AKAP13: variants seen among roughly 807,000 people sequenced by gnomAD.
AKAP13 encodes A-kinase anchor protein 13.
AKAP13 carries 80 observed loss-of-function variants against 264.5 expected under a neutral mutation model. The ratio of observed to expected loss-of-function variants is 0.30; its 90% CI spans 0.25 to 0.36. The LOEUF (loss-of-function observed/expected upper bound fraction) is 0.36. Ranked by LOEUF, AKAP13 falls within the 10% of genes least tolerant of loss-of-function variation. The probability of loss-of-function intolerance (pLI) is 1.00; values close to 1 mark genes in which losing one functional copy is unlikely to be tolerated. For synonymous variants in AKAP13, 1,380 were observed against 1,250.2 expected, an observed-to-expected ratio of 1.10 and a Z score of -2.19; for missense variants, 3,712 against 3,435.2, an observed-to-expected ratio of 1.08 and a Z score of -2.01.
At position 85,579,066 on chromosome 15, in the gene AKAP13, C is replaced by T; in HGVS notation, c.998C>T (p.Ser333Phe). ...ACGGACCCTCAGCGACTTTCTTCTT[C>T]TGAAGAGACTGAGAGCACTCAGTGC... Reference protein sequence around the residue: ...EPTDPQRLSSSEETESTQCCP... With the variant: ...EPTDPQRLSSFEETESTQCCP... Residue 333 changes from serine to phenylalanine, a missense_variant, in exon 7 of 37, where the codon TCT becomes TTT. Transcript: ENST00000394518. 6.2e-7 allele frequency: 1 copy of T among 1,614,168 alleles called. No individual in the cohort carries two copies. Among genetic ancestry groups the T allele is most frequent in the South Asian group, 1.1e-5 (1 of 91,086 alleles).
At chr15:85,720,481 G>A (rs1199239268) in intron 23 of AKAP13, among the ~76,000 whole-genome samples, 1 of 152,116 alleles carries the variant, frequency 6.6e-6, no homozygotes, top group Non-Finnish European at 1.5e-5. Flanking sequence ...AAATTACTTT[G>A]GTACTTGTAG....
intron 1 of AKAP13, among the ~76,000 whole-genome samples, chr15:85,400,211 C>T (rs2071354982): frequency 6.6e-6 from 1 of 152,060 alleles, no homozygotes; most frequent in South Asian, 2.1e-4. Context: ...AGTTCAGGAC[C>T]AGCCTGGGCA....
intron 16 of AKAP13, among the ~76,000 whole-genome samples, chr15:85,689,260 T>TA (rs1417090460): frequency 6.6e-6 from 1 of 152,206 alleles, no homozygotes; most frequent in African/African-American, 2.4e-5. Flanking sequence ...GCTGTACCCA[T>TA]AGGCCTTTCA....
intron 2 of AKAP13, among the ~76,000 whole-genome samples, chr15:85,494,427 A>G (rs2075816594): frequency 6.6e-6 from 1 of 152,134 alleles, no homozygotes; most frequent in Non-Finnish European, 1.5e-5. Context: ...GGTACAAGGA[A>G]ATAATAGCTG....
intron 2 of AKAP13, among the ~76,000 whole-genome samples, chr15:85,498,403 C>T (rs1022572968): frequency 6.6e-6 from 1 of 152,084 alleles, no homozygotes; most frequent in Non-Finnish European, 1.5e-5. Flanking sequence ...TAGCAACTAC[C>T]TTTTACTGAA....
chr15:85,410,299 G>T (rs772172521), intron 1 of AKAP13, among the ~76,000 whole-genome samples: 4 of 151,608 alleles, frequency 2.6e-5, no homozygotes, highest in Non-Finnish European at 4.4e-5. Context: ...TACAGTAGTA[G>T]TTGTCTTGGG....
At chr15:85,702,027 C>G (rs144758441) in intron 17 of AKAP13, 1 of 151,954 alleles carries the variant, frequency 6.6e-6, no homozygotes, top group East Asian at 2.0e-4. Flanking sequence ...AGGTGGATCA[C>G]GAGATCAGGC....
At chr15:85,411,379 C>T (rs2071956379) in intron 1 of AKAP13, among the ~76,000 whole-genome samples, 3 of 151,808 alleles carry the variant, frequency 2.0e-5, no homozygotes, top group African/African-American at 7.3e-5. Flanking sequence ...GAGTTCTGCA[C>T]GTGGAAGTAT....
Position 85,726,563 on chromosome 15 carries a change from C to A in AKAP13, c.6822+77C>A. 4.1e-6 allele frequency: 5 copies of A among 1,231,260 alleles called. No individual in the cohort carries two copies. In the South Asian group the frequency reaches 6.5e-5, roughly 16 times the overall value. The allele number at this position is 1,231,260 out of a possible 1,614,324, so 76.3% of individuals were successfully genotyped here. A position where few individuals can be genotyped will look rare whatever the true frequency, so the allele number is the denominator to read the frequency against. Reference sequence around the variant, plus strand: ...ATGGAATGTAAGCACTATGTTATTGCTCTCCCCCGCCCTCTTAAAATTAAA... The same window carrying A: ...ATGGAATGTAAGCACTATGTTATTGATCTCCCCCGCCCTCTTAAAATTAAA... On this transcript the variant is annotated intron_variant, in intron 27 of 36. Coordinates refer to ENST00000394518, the MANE Select transcript of AKAP13 (RefSeq NM_007200.5).
intron 1 of AKAP13, among the ~76,000 whole-genome samples, chr15:85,412,464 C>G (rs1369195934): frequency 6.6e-6 from 1 of 152,026 alleles, no homozygotes; most frequent in African/African-American, 2.4e-5. Flanking sequence ...TAAAACAGTG[C>G]CACGTTCTTA....
chr15:85,430,428 G>A (rs2072975814), intron 1 of AKAP13, among the ~76,000 whole-genome samples: 1 of 152,214 alleles, frequency 6.6e-6, no homozygotes, highest in African/African-American at 2.4e-5. Flanking sequence ...GAAATAAGCT[G>A]ACACTTTCTC....
intron 10 of AKAP13, among the ~76,000 whole-genome samples, chr15:85,655,012 T>C (rs2083034135): frequency 1.3e-5 from 2 of 151,938 alleles, no homozygotes; most frequent in Admixed American, 1.3e-4. Context: ...GCCAGCATGG[T>C]GAAACCCTGT....
At chr15:85,589,197 GT>G (rs1183361096) in intron 8 of AKAP13, among the ~76,000 whole-genome samples, 1 of 152,118 alleles carries the variant, frequency 6.6e-6, no homozygotes, top group African/African-American at 2.4e-5. Flanking sequence ...ATTCATATAG[GT>G]TTTCACTGGA....
At position 85,581,619 on chromosome 15, in the gene AKAP13, A is replaced by T. The variant is rs1301785702; in HGVS notation, c.3551A>T (p.His1184Leu). 6.2e-7 allele frequency: 1 copy of T among 1,614,154 alleles called. No individual in the cohort carries two copies. The highest frequency in any genetic ancestry group is 1.7e-5 in the Admixed American group (1 of 60,030). The change falls in exon 7 of 37, where the codon CAT becomes CTT. Residue 1184 changes from histidine to leucine, a missense_variant. Transcript: ENST00000394518. ...GAAGCCCAAATAGACGATGAAGCAC[A>T]TCCTGTCCTACTGCAGCCTGTTGCC... ...AEEAQIDDEA[H>L]PVLLQPVAKE...
Position 85,580,498 on chromosome 15 carries a change from A to C in AKAP13, c.2430A>C (p.Glu810Asp), listed in dbSNP as rs1362855439. 1 of 1,614,242 alleles carries C rather than the reference A, an allele frequency of 6.2e-7. No homozygotes were observed. The highest frequency in any genetic ancestry group is 1.1e-5 in the South Asian group (1 of 91,084). ...TTTCTTTTGTCCCCTCCCAGAAAGA[A>C]AAGGGAACAGCAACTCCTGAACTAC... ...DALSFVPSQK[E>D]KGTATPELHT... Residue 810 changes from glutamate (E) to aspartate (D), a missense_variant, in exon 7 of 37, where the codon GAA (glutamate) becomes GAC (aspartate). Around this residue, in one of 3 missense-constraint regions of AKAP13, gnomAD observed 2,759 missense variants for 2,411.7 expected, o/e 1.14. Coordinates refer to ENST00000394518, the MANE Select transcript of AKAP13 (RefSeq NM_007200.5).
chr15:85,547,430 T>C (rs553604139), intron 5 of AKAP13, among the ~76,000 whole-genome samples: 2 of 152,236 alleles, frequency 1.3e-5, no homozygotes, highest in African/African-American at 4.8e-5. Flanking sequence ...GTCTTACTTC[T>C]GCGAAAATTA....
chr15:85,569,251 A>G (rs1029306481), intron 5 of AKAP13, among the ~76,000 whole-genome samples: 3 of 152,074 alleles, frequency 2.0e-5, no homozygotes, highest in African/African-American at 7.2e-5. Context: ...GTCAAGAGAA[A>G]GAGATTGTGG....
chr15:85,628,004 T>C (rs937228321), intron 8 of AKAP13, among the ~76,000 whole-genome samples: 1 of 152,234 alleles, frequency 6.6e-6, no homozygotes, highest in Non-Finnish European at 1.5e-5. Flanking sequence ...GCAGGAATTA[T>C]TTTCATGCTG....
chr15:85,490,807 T>C (rs898881249), intron 2 of AKAP13, among the ~76,000 whole-genome samples: 1 of 152,078 alleles, frequency 6.6e-6, no homozygotes, highest in Admixed American at 6.6e-5. Flanking sequence ...ACTTGCATTG[T>C]AGTGAGAAGA....
Sources: gnomAD v4.1 joint callset for allele counts (sites outside exome capture counted in the v4.1 genomes callset) on GRCh38, gnomAD v4.1.1 for gene constraint, gnomAD v4.1.1 regional missense constraint, MANE v1.5 for transcripts, NCBI Gene and HGNC (gene_info 2026-07-23, HGNC 2026-07-21) for gene names.